Variants in CENPE observed in about 807,000 individuals in gnomAD.
CENPE encodes centromere-associated protein E.
CENPE carries 145 observed loss-of-function variants against 336.1 expected under a neutral mutation model. The observed-to-expected ratio is 0.43, with a 90% CI of 0.38 to 0.50. The LOEUF (loss-of-function observed/expected upper bound fraction) is 0.50. Among genes scored for constraint, CENPE ranks in the 20% least tolerant of loss-of-function variants. The pLI, the probability that CENPE is intolerant of heterozygous loss-of-function variation, is 0.00. For missense variants in CENPE, 2,719 were observed against 3,023.3 expected, an observed-to-expected ratio of 0.90 and a Z score of 2.36; for synonymous variants, 1,013 against 984.8, an observed-to-expected ratio of 1.03 and a Z score of -0.54.
chr4:103,130,881 T>C (rs1045548046), intron 42 of CENPE, among the ~76,000 whole-genome samples: 2 of 125,410 alleles, frequency 1.6e-5, no homozygotes, highest in African/African-American at 6.2e-5. Flanking sequence ...AAAGACAATA[T>C]AATTGTGCTG....
chr4:103,120,441 T>C, intron 43 of CENPE, 108 bp from the exon 44 acceptor site: 1 of 900,832 alleles, frequency 1.1e-6, no homozygotes, highest in Non-Finnish European at 1.7e-6. Context: ...TTTTCACAGA[T>C]TGTATTAACA....
intron 10 of CENPE, 98 bp from the exon 11 acceptor site, chr4:103,182,989 T>C (rs748923962): frequency 1.6e-4 from 206 of 1,269,850 alleles, no homozygotes; most frequent in Non-Finnish European, 2.1e-4. Context: ...AGCCAGAGTT[T>C]CAAAAATTAG....
At chr4:103,107,699 G>A (rs1329445814) in intron 48 of CENPE, among the ~76,000 whole-genome samples, 2 of 152,134 alleles carry the variant, frequency 1.3e-5, no homozygotes, top group Admixed American at 1.3e-4. Context: ...TCAATCAGGT[G>A]CCTGGTGTTG....
At chr4:103,196,976 T>A in intron 1 of CENPE, 126 bp from the exon 2 acceptor site, 1 of 651,966 alleles carries the variant, frequency 1.5e-6, no homozygotes, top group Non-Finnish European at 2.8e-6. Flanking sequence ...TGACAGAAAG[T>A]CCATCTTTGA....
At chr4:103,142,249 G>A (rs1349414640) in intron 34 of CENPE, among the ~76,000 whole-genome samples, 2 of 152,056 alleles carry the variant, frequency 1.3e-5, no homozygotes, top group African/African-American at 4.8e-5. Flanking sequence ...TGTATACGTT[G>A]TGTTTGTATA....
intron 46 of CENPE, among the ~76,000 whole-genome samples, chr4:103,112,385 G>A (rs1280942639): frequency 6.9e-6 from 1 of 144,766 alleles, no homozygotes; most frequent in Non-Finnish European, 1.5e-5. Context: ...ATATACATGT[G>A]CACGCACAAA....
In CENPE at chr4:103,148,895, T is replaced by C. The variant is rs1753294004; in HGVS notation, c.3792A>G (p.Gln1264=). Residue 1264 remains glutamine (Q), a synonymous_variant, in exon 28 of 49, where the codon CAA becomes CAG. Coordinates refer to ENST00000265148, the MANE Select transcript of CENPE (RefSeq NM_001813.3). ...LRRSVSEKTA[Q]IINTQDLEKS... ...TTTCTAAGTCCTGAGTATTTATTAT[T>C]TGAGCTGTCTTCTCAGATACGCTTC... The C allele has an allele frequency of 6.2e-7, 1 of 1,613,424 alleles. No homozygotes were observed. The highest frequency in any genetic ancestry group is 1.7e-5 in the Admixed American group (1 of 60,002).
At chr4:103,152,601 A>C (rs1008604325) in intron 25 of CENPE, among the ~76,000 whole-genome samples, 1 of 152,232 alleles carries the variant, frequency 6.6e-6, no homozygotes, top group Non-Finnish European at 1.5e-5. Context: ...AAATAGCCAA[A>C]TACTGAACGG....
chr4:103,193,284 G>T (rs1177963321), intron 8 of CENPE, among the ~76,000 whole-genome samples: 1 of 151,972 alleles, frequency 6.6e-6, no homozygotes, highest in Non-Finnish European at 1.5e-5. Flanking sequence ...TTAGGGTTTG[G>T]TTTTTTATTG....
At position 103,146,046 on chromosome 4, in the gene CENPE, G is replaced by C. The variant is rs1173322091; in HGVS notation, c.4196C>G (p.Thr1399Ser). The C allele has an allele frequency of 1.2e-6, 2 of 1,613,810 alleles. No individual in the cohort carries two copies. Among genetic ancestry groups the C allele is most frequent in the Non-Finnish European group, 1.7e-6 (2 of 1,179,842 alleles). The change falls in exon 30 of 49, where the codon ACT (threonine) becomes AGT (serine). Residue 1399 changes from threonine (T) to serine (S), a missense_variant. Physicochemically the swap from Thr to Ser is moderately conservative, Grantham distance 58. Coordinates refer to ENST00000265148, the MANE Select transcript of CENPE (RefSeq NM_001813.3). ...SLNMKEKDNE[T>S]TKIVSEMEQF... ...CTCCATCTCACTCACGATTTTGGTAGTTTCATTGTCTTTTTCTTTCATATT... is the reference window on the plus strand; with the variant it reads ...CTCCATCTCACTCACGATTTTGGTACTTTCATTGTCTTTTTCTTTCATATT...
intron 18 of CENPE, among the ~76,000 whole-genome samples, chr4:103,162,617 G>C (rs1328034010): frequency 6.6e-6 from 1 of 150,690 alleles, no homozygotes; most frequent in African/African-American, 2.4e-5. Flanking sequence ...CTGTTGCCCA[G>C]GCTGGAGTGC....
intron 21 of CENPE, among the ~76,000 whole-genome samples, chr4:103,159,582 T>A (rs1057477478): frequency 6.6e-6 from 1 of 151,896 alleles, no homozygotes; most frequent in African/African-American, 2.4e-5. Context: ...TAAAGGCACA[T>A]AATCAGATTG....
At chr4:103,121,827 C>T (rs948738797) in intron 43 of CENPE, among the ~76,000 whole-genome samples, 3 of 152,122 alleles carry the variant, frequency 2.0e-5, no homozygotes, top group Non-Finnish European at 2.9e-5. Flanking sequence ...TCCCAAAGTA[C>T]TGGGATTACA....
At chr4:103,195,330 A>C in intron 4 of CENPE, 97 bp from the exon 5 acceptor site, 1 of 989,558 alleles carries the variant, frequency 1.0e-6, no homozygotes, top group Middle Eastern at 3.1e-4. Flanking sequence ...AAATGTATGT[A>C]AAACAAACTA....
At chr4:103,107,309 C>T (rs1166198943) in intron 48 of CENPE, among the ~76,000 whole-genome samples, 3 of 152,254 alleles carry the variant, frequency 2.0e-5, no homozygotes, top group South Asian at 4.2e-4. Flanking sequence ...TCTGTGCCTA[C>T]CTATCTCCCT....
chr4:103,122,980 T>C lies in CENPE; in HGVS notation c.7034A>G (p.Asn2345Ser). Residue 2345 changes from asparagine (N) to serine (S), a missense_variant, in exon 43 of 49, where the codon AAC becomes AGC. Physicochemically the swap from Asn to Ser is conservative, Grantham distance 46 (BLOSUM62 1). Transcript: ENST00000265148. ...LKEKNEKLFK[N>S]YQTLKTSLAS... is the part of the protein sequence containing the mutation. ...CAAGGAAGTCTTCAATGTTTGGTAG[T>C]TTTTAAATAGTTTTTCATTTTTCTC... 1 of 1,613,876 alleles carries C rather than the reference T, an allele frequency of 6.2e-7. No homozygotes were observed. Among genetic ancestry groups the C allele is most frequent in the Admixed American group, 1.7e-5 (1 of 60,014 alleles).
At chr4:103,163,657 C>T (rs1754665299) in intron 16 of CENPE, 104 bp from the exon 17 acceptor site, 1 of 514,262 alleles carries the variant, frequency 1.9e-6, no homozygotes. Context: ...TGGTTCACTG[C>T]TTCAGAATCA....
In CENPE at chr4:103,159,237, G is replaced by C; in HGVS notation, c.2374C>G (p.Gln792Glu). The C allele has an allele frequency of 6.2e-7, 1 of 1,610,928 alleles. No homozygotes were observed. Among genetic ancestry groups the C allele is most frequent in the East Asian group, 2.2e-5 (1 of 44,800 alleles). ...TTCCCAATTTCTTCAAGTAAACCTTGAACTCTACTCTCCTTATGAACTACT... is the reference window on the plus strand; with the variant it reads ...TTCCCAATTTCTTCAAGTAAACCTTCAACTCTACTCTCCTTATGAACTACT... Reference protein sequence around the residue: ...SEVVHKESRVQGLLEEIGKTK... With the variant: ...SEVVHKESRVEGLLEEIGKTK... Residue 792 changes from glutamine to glutamate, a missense_variant, in exon 22 of 49, where the codon CAA becomes GAA. This residue lies in a region of CENPE where 2,437 missense variants were observed against 2,513.3 expected (regional missense o/e 0.97). Transcript: ENST00000265148.
At chr4:103,122,805 A>G in intron 43 of CENPE, 66 bp downstream of exon 43, 3 of 1,183,190 alleles carry the variant, frequency 2.5e-6, no homozygotes, top group Middle Eastern at 3.9e-4. Flanking sequence ...AGTAAATACT[A>G]TAATTTTGCT....
Sources: allele counts gnomAD v4.1 joint callset (sites outside exome capture counted in the v4.1 genomes callset), GRCh38; gene constraint gnomAD v4.1.1; regional missense constraint gnomAD v4.1.1; transcripts MANE v1.5; gene names NCBI Gene and HGNC (gene_info 2026-07-23, HGNC 2026-07-21).